The following MGST1 variants were observed in gnomAD, a reference collection of about 807,000 sequenced individuals.
MGST1 encodes microsomal glutathione S-transferase 1.
MGST1 carries 5 observed loss-of-function variants against 8.9 expected under a neutral mutation model. The observed-to-expected ratio is 0.56, with a 90% CI of 0.29 to 1.19. The LOEUF (loss-of-function observed/expected upper bound fraction) is 1.19. Among genes scored for constraint, MGST1 ranks in the 50% most tolerant of loss-of-function variants. The probability of loss-of-function intolerance (pLI) is 0.08; values close to 1 mark genes in which losing one functional copy is unlikely to be tolerated. For missense variants in MGST1, 182 were observed against 187.4 expected (o/e 0.97, Z 0.17); for synonymous variants, 54 against 67.8 (o/e 0.80, Z 1.00).
rs1410059091 is a variant in MGST1, at chr12:16,444,182, G to GTT, written n.482+60578_482+60579insTT. On this transcript the variant is annotated intron_variant and non_coding_transcript_variant, in intron 4 of 4. Coordinates refer to the MGST1 transcript ENST00000538857. The stretch of plus-strand genomic sequence containing the variant: ...GGCTGACAGGTCTATTGGCTGATTT[G>GTT]GTTTTTTTTTTTTTTTTTTTTGTCT... Among the ~76,000 whole-genome samples, 22 of 135,062 alleles carry GTT rather than the reference G, an allele frequency of 1.6e-4. 1 individual carries two copies. Among genetic ancestry groups the GTT allele is most frequent in the Admixed American group, 5.3e-4 (7 of 13,300 alleles). The allele number at this position is 135,062 out of a possible 152,430, so 88.6% of individuals were successfully genotyped here.
chr12:16,583,213 G>C (rs1348564173), intron 4 of MGST1, among the ~76,000 whole-genome samples: 1 of 152,180 alleles, frequency 6.6e-6, no homozygotes, highest in African/African-American at 2.4e-5. Flanking sequence ...AGTAACAGCA[G>C]TATCAGCAGA....
At chr12:16,540,375 C>T (rs1044158326) in intron 4 of MGST1, among the ~76,000 whole-genome samples, 9 of 152,106 alleles carry the variant, frequency 5.9e-5, no homozygotes, top group African/African-American at 1.7e-4. Context: ...TGGGCTTAAG[C>T]GATCCTCTCA....
intron 1 of MGST1, among the ~76,000 whole-genome samples, chr12:16,404,835 T>C (rs1443892439): frequency 6.6e-6 from 1 of 152,218 alleles, no homozygotes; most frequent in African/African-American, 2.4e-5. Context: ...CCAGATGGAA[T>C]TGCTTTCCTC....
At chr12:16,438,087 A>G (rs1299758579) in exon 2 of MGST1, 1 of 151,956 alleles carries the variant, frequency 6.6e-6, no homozygotes, top group African/African-American at 2.4e-5. Context: ...AGCTTGTAAA[A>G]TCAACTATGT....
chr12:16,549,564 A>T (rs923897187), intron 4 of MGST1: 3 of 152,594 alleles, frequency 2.0e-5, no homozygotes, highest in Admixed American at 1.3e-4. Context: ...TCTGTAATGC[A>T]TATATTGGAA....
chr12:16,562,313 A>T (rs1942435240), intron 4 of MGST1, among the ~76,000 whole-genome samples: 1 of 152,170 alleles, frequency 6.6e-6, no homozygotes. Flanking sequence ...TATTTTTGAG[A>T]AATAAGAAAA....
intron 1 of MGST1, among the ~76,000 whole-genome samples, chr12:16,391,277 ATTAT>A (rs1337243534): frequency 1.3e-5 from 2 of 151,650 alleles, no homozygotes; most frequent in Non-Finnish European, 2.9e-5. Flanking sequence ...CCCCACATAC[ATTAT>A]TTATTTGTCC....
At position 16,362,222 on chromosome 12, in the gene MGST1, C is replaced by G. The variant is rs1940032584; in HGVS notation, c.222-1573C>G. Reference sequence around the variant, plus strand: ...CTTTAATAGAAAATGGTATTCCTGTCTTTTCTTTCCCATCTCATTCTCAGT... The same window carrying G: ...CTTTAATAGAAAATGGTATTCCTGTGTTTTCTTTCCCATCTCATTCTCAGT... On this transcript the variant is annotated intron_variant, in intron 3 of 3. Coordinates refer to ENST00000396210, the MANE Select transcript of MGST1 (RefSeq NM_020300.5). This position sits in a 1 kb window ranked among gnomAD's most constrained non-coding sequence, Gnocchi z 4.4. 6.6e-6 allele frequency among the ~76,000 whole-genome samples: 1 copy of G among 152,164 alleles called. No individual in the cohort carries two copies. The highest frequency in any genetic ancestry group is 2.1e-4 in the South Asian group (1 of 4,824).
chr12:16,560,793 C>T lies in MGST1; in HGVS notation n.483-28735C>T, dbSNP rs750087541. On this transcript the variant is annotated intron_variant and non_coding_transcript_variant, in intron 4 of 4. Coordinates refer to the MGST1 transcript ENST00000538857. This position sits in a 1 kb window ranked among gnomAD's most constrained non-coding sequence, Gnocchi z 5.0. ...ATACATTAGGAAGCTTACGTAACTG[C>T]ACATAAACAGAAGTCAATGGGGGTG... 8.0e-6 allele frequency: 4 copies of T among 500,366 alleles called. No homozygotes were observed. In the Admixed American group the frequency reaches 8.2e-5, roughly 10 times the overall value. 31.0% of individuals were successfully genotyped at this position (500,366 alleles called of 1,614,324 possible). A position where few individuals can be genotyped will look rare whatever the true frequency, so the allele number is the denominator to read the frequency against.
intron 4 of MGST1, among the ~76,000 whole-genome samples, chr12:16,525,863 G>A (rs1318660878): frequency 1.3e-5 from 2 of 150,894 alleles, no homozygotes; most frequent in East Asian, 2.0e-4. Flanking sequence ...GTATCTCATT[G>A]TGGTTTTGAT....
intron 4 of MGST1, among the ~76,000 whole-genome samples, chr12:16,577,059 T>TG (rs1169044774): frequency 6.6e-6 from 1 of 152,234 alleles, no homozygotes; most frequent in Non-Finnish European, 1.5e-5. Flanking sequence ...ACACTCAAGA[T>TG]GGTTTAGGTG....
chr12:16,492,915 C>T (rs895718232), intron 4 of MGST1, among the ~76,000 whole-genome samples: 1 of 152,090 alleles, frequency 6.6e-6, no homozygotes, highest in African/African-American at 2.4e-5. Context: ...ATGACCAGGC[C>T]TATTGAAGGA....
chr12:16,534,259 A>G (rs1338919606), intron 4 of MGST1, among the ~76,000 whole-genome samples: 2 of 152,248 alleles, frequency 1.3e-5, no homozygotes, highest in East Asian at 1.9e-4. Context: ...GGAAAGTACT[A>G]TGAAACACAT....
chr12:16,433,155 C>T (rs1013066980), intron 1 of MGST1, among the ~76,000 whole-genome samples: 45 of 152,196 alleles, frequency 3.0e-4, no homozygotes, highest in African/African-American at 1.1e-3. Flanking sequence ...GGACAGAAAG[C>T]ATCCAGCATG....
intron 4 of MGST1, among the ~76,000 whole-genome samples, chr12:16,514,854 C>T (rs1941601674): frequency 1.3e-5 from 2 of 152,242 alleles, no homozygotes; most frequent in African/African-American, 4.8e-5. Context: ...GCAGAGGCAT[C>T]TGTGGCTGGT....
intron 4 of MGST1, among the ~76,000 whole-genome samples, chr12:16,453,477 T>A (rs1417972156): frequency 6.6e-6 from 1 of 151,942 alleles, no homozygotes; most frequent in Non-Finnish European, 1.5e-5. Context: ...AACAAATACA[T>A]AAATATCTAC....
intron 4 of MGST1, among the ~76,000 whole-genome samples, chr12:16,469,311 A>G (rs1941276792): frequency 6.7e-6 from 1 of 150,154 alleles, no homozygotes; most frequent in South Asian, 2.1e-4. Flanking sequence ...TCAGCCTCCC[A>G]AGTAGCTGCG....
chr12:16,513,920 G>A lies in MGST1; in HGVS notation n.483-75608G>A, dbSNP rs1053415766. On this transcript the variant is annotated intron_variant and non_coding_transcript_variant, in intron 4 of 4. Transcript: ENST00000538857. This position sits in a 1 kb window ranked among gnomAD's most constrained non-coding sequence, Gnocchi z 4.2. ...ACTGGCATGCAGCTACAAGGTTATCGATACTATGACCGCAAGACTTGCGGT... is the reference window on the plus strand; with the variant it reads ...ACTGGCATGCAGCTACAAGGTTATCAATACTATGACCGCAAGACTTGCGGT... The A allele has an allele frequency of 5.4e-5, 31 of 577,492 alleles. 1 individual carries two copies. The highest frequency in any genetic ancestry group is 4.9e-4 in the African/African-American group (26 of 53,058). 35.8% of individuals were successfully genotyped at this position (577,492 alleles called of 1,614,324 possible).
chr12:16,380,145 G>A (rs927141951), downstream of MGST1, among the ~76,000 whole-genome samples: 4 of 152,022 alleles, frequency 2.6e-5, no homozygotes, highest in African/African-American at 9.7e-5. Context: ...ATTTCCTTCA[G>A]TTCTGCTCTG....
Sources: gnomAD v4.1 joint callset for allele counts (sites outside exome capture counted in the v4.1 genomes callset) on GRCh38, gnomAD v4.1.1 for gene constraint, Gnocchi (gnomAD v3.1) non-coding constraint, MANE v1.5 for transcripts, NCBI Gene and HGNC (gene_info 2026-07-23, HGNC 2026-07-21) for gene names.